The following UMOD variants were observed in gnomAD, a reference collection of about 807,000 sequenced individuals.
UMOD encodes the protein uromodulin, also known as Tamm-Horsfall urinary glycoprotein.
Under a neutral mutation model 66.0 loss-of-function variants are expected in UMOD, and 64 were observed. The ratio of observed to expected loss-of-function variants is 0.97; its 90% CI spans 0.79 to 1.19. The LOEUF is 1.19. UMOD is among the 50% of genes most tolerant of loss of function. The pLI is 0.00. For missense variants in UMOD, 764 were observed against 850.9 expected, an observed-to-expected ratio of 0.90 and a Z score of 1.27; for synonymous variants, 398 against 352.7, an observed-to-expected ratio of 1.13 and a Z score of -1.44.
intron 10 of UMOD, among the ~76,000 whole-genome samples, chr16:20,334,470 G>A (rs1964766042): frequency 6.6e-6 from 1 of 152,156 alleles, no homozygotes. Context: ...GCAGCTTTCT[G>A]TGCATCTGTA....
intron 2 of UMOD, among the ~76,000 whole-genome samples, chr16:20,349,531 T>TTGA (rs1965785479): frequency 1.3e-5 from 2 of 152,328 alleles, no homozygotes; most frequent in South Asian, 4.1e-4. Flanking sequence ...TCAAGCGTTC[T>TTGA]ACTCCCTGAG....
chr16:20,349,242 T>C (rs1467701601), intron 2 of UMOD, 30 bp from the exon 3 acceptor site: 2 of 1,607,634 alleles, frequency 1.2e-6, no homozygotes, highest in East Asian at 2.2e-5. Flanking sequence ...GCTTCAGGGT[T>C]TGGGCAGCTG....
At chr16:20,343,028 G>C (rs939494929) in intron 6 of UMOD, among the ~76,000 whole-genome samples, 1 of 152,072 alleles carries the variant, frequency 6.6e-6, no homozygotes, top group Non-Finnish European at 1.5e-5. Flanking sequence ...TGCTTGGGAG[G>C]CTGAGGCAGG....
At chr16:20,352,010 T>TTCCCCC (rs1965920270) in intron 1 of UMOD, among the ~76,000 whole-genome samples, 1 of 87,312 alleles carries the variant, frequency 1.1e-5, no homozygotes, top group African/African-American at 4.5e-5. Flanking sequence ...AGAGAGTCCA[T>TTCCCCC]CCCCCCCCCC....
At chr16:20,346,044 A>G (rs1965562627) in intron 5 of UMOD, 82 bp downstream of exon 5, 1 of 1,382,034 alleles carries the variant, frequency 7.2e-7, no homozygotes, top group African/African-American at 1.4e-5. Flanking sequence ...AACTCCCCAA[A>G]GCTTCTATAA....
upstream of UMOD, among the ~76,000 whole-genome samples, chr16:20,355,400 T>TC (rs1555488418): frequency 6.7e-6 from 1 of 149,468 alleles, no homozygotes; most frequent in Non-Finnish European, 1.5e-5. Context: ...TTTCTTTCTT[T>TC]TTCTTCTTCT....
chr16:20,346,402 C>A, intron 4 of UMOD, 68 bp from the exon 5 acceptor site: 1 of 1,538,910 alleles, frequency 6.5e-7, no homozygotes, highest in Non-Finnish European at 9.0e-7. Context: ...TCCCCAGGGG[C>A]CAGGTCCAGC....
chr16:20,336,686 A>G lies in UMOD; in HGVS notation c.1782T>C (p.Asp594=). The G allele has an allele frequency of 6.2e-7, 1 of 1,614,130 alleles. No homozygotes were observed. Among genetic ancestry groups the G allele is most frequent in the South Asian group, 1.1e-5 (1 of 91,068 alleles). Residue 594 remains aspartate (D), a synonymous_variant, in exon 9 of 11, where the codon GAT becomes GAC. Coordinates refer to ENST00000396138, the MANE Select transcript of UMOD (RefSeq NM_003361.4). ...GACCCAAGTTCAGGACACGGGATTGATCTATGACACTCCCACTTCGGAATC... is the reference window on the plus strand; with the variant it reads ...GACCCAAGTTCAGGACACGGGATTGGTCTATGACACTCCCACTTCGGAATC... ...GTRFRSGSVI[D]QSRVLNLGPI...
chr16:20,334,449 T>C (rs575445635), intron 10 of UMOD, among the ~76,000 whole-genome samples: 1 of 152,164 alleles, frequency 6.6e-6, no homozygotes, highest in African/African-American at 2.4e-5. Flanking sequence ...CAAATATGCA[T>C]GCAGACAATT....
chr16:20,346,111 C>T lies in UMOD; in HGVS notation c.1182+15G>A. The T allele has an allele frequency of 6.2e-7, 1 of 1,611,890 alleles. No individual in the cohort carries two copies. The highest frequency in any genetic ancestry group is 8.5e-7 in the Non-Finnish European group (1 of 1,178,850). On this transcript the variant is annotated intron_variant, in intron 5 of 10. Coordinates refer to ENST00000396138, the MANE Select transcript of UMOD (RefSeq NM_003361.4). ...GGCAGTGCTCTGGTTCTGTCCCCCA[C>T]TGGCCAGGACGTACCGTCAACACTG... is the stretch of plus-strand genomic sequence containing the variant.
At chr16:20,349,318 C>G in intron 2 of UMOD, 106 bp from the exon 3 acceptor site, 3 of 1,256,678 alleles carry the variant, frequency 2.4e-6, no homozygotes, top group South Asian at 2.6e-5. Flanking sequence ...AAGACTTATT[C>G]CCTAGAGGGC....
intron 4 of UMOD, 77 bp from the exon 5 acceptor site, chr16:20,346,411 G>C: frequency 1.4e-6 from 2 of 1,458,052 alleles, no homozygotes; most frequent in Admixed American, 1.7e-5. Flanking sequence ...GCCAGGTCCA[G>C]CTGGCTGGGC....
intron 7 of UMOD, among the ~76,000 whole-genome samples, chr16:20,339,226 G>A (rs972765862): frequency 6.6e-6 from 1 of 152,198 alleles, no homozygotes; most frequent in African/African-American, 2.4e-5. Context: ...TCCAATCAAG[G>A]TCATGCCAAC....
chr16:20,348,208 C>T lies in UMOD; in HGVS notation c.973+15G>A. 1.2e-6 allele frequency: 2 copies of T among 1,612,028 alleles called. No homozygotes were observed. Among genetic ancestry groups the T allele is most frequent in the Non-Finnish European group, 1.7e-6 (2 of 1,178,640 alleles). On this transcript the variant is annotated intron_variant, in intron 4 of 10. Transcript: ENST00000396138. ...CAGGTTTCTCAACAACCCGCTTCCTCCCCACTGGCCTCACCAGTGATGTTG... is the reference window on the plus strand; with the variant it reads ...CAGGTTTCTCAACAACCCGCTTCCTTCCCACTGGCCTCACCAGTGATGTTG...
intron 2 of UMOD, among the ~76,000 whole-genome samples, chr16:20,350,164 C>A (rs1353524913): frequency 2.6e-5 from 4 of 152,054 alleles, no homozygotes; most frequent in Admixed American, 2.6e-4. Context: ...TTCATCGTGC[C>A]CCAACGTACT....
rs547586464 is a variant in UMOD at position 20,351,314 on chromosome 16, A to T, written c.-102-475T>A. ...TCCTTCATGCAACTCACATATCGTA[A>T]AGAAGTGGCTTGAGACGAGCAACTT... On this transcript the variant is annotated intron_variant, in intron 1 of 10. Coordinates refer to ENST00000396138, the MANE Select transcript of UMOD (RefSeq NM_003361.4). The T allele has an allele frequency of 5.6e-5, 10 of 180,062 alleles. No homozygotes were observed. In the East Asian group the frequency reaches 1.3e-3, roughly 23 times the overall value. The allele number at this position is 180,062 out of a possible 1,614,324, so 11.2% of individuals were successfully genotyped here.
intron 2 of UMOD, chr16:20,349,665 A>G: frequency 7.8e-7 from 1 of 1,280,458 alleles, no homozygotes; most frequent in Non-Finnish European, 1.0e-6. Context: ...GTCTTCTTTT[A>G]AAATAGCCAC....
rs1399550528 is a variant in UMOD, at chr16:20,341,116, G to T, written c.1552C>A (p.Leu518Met). Residue 518 changes from leucine (L) to methionine (M), a missense_variant, in exon 7 of 11, where the codon CTG (leucine) becomes ATG (methionine). Coordinates refer to ENST00000396138, the MANE Select transcript of UMOD (RefSeq NM_003361.4). ...CTGTCCTGGATGATGAAGTACTTCA[G>T]GGGGTCCGTGGCATTGCTACTGGGT... Reference protein sequence around the residue: ...ATPSSNATDPLKYFIIQDRCP... With the variant: ...ATPSSNATDPMKYFIIQDRCP... The T allele has an allele frequency of 2.5e-6, 4 of 1,614,010 alleles. No individual in the cohort carries two copies. The highest frequency in any genetic ancestry group is 3.4e-6 in the Non-Finnish European group (4 of 1,180,028).
At chr16:20,345,297 AGCCACCATGCCCG>A (rs1965478931) in intron 5 of UMOD, among the ~76,000 whole-genome samples, 1 of 152,116 alleles carries the variant, frequency 6.6e-6, no homozygotes. Flanking sequence ...TACAGGCGTG[AGCCACCATGCCCG>A]GCCAACATTA....
Sources: gnomAD v4.1 joint callset for allele counts (sites outside exome capture counted in the v4.1 genomes callset) on GRCh38, gnomAD v4.1.1 for gene constraint, MANE v1.5 for transcripts, NCBI Gene and HGNC (gene_info 2026-07-23, HGNC 2026-07-21) for gene names.